Variants in CCDC175 observed in about 807,000 individuals in gnomAD.
CCDC175 encodes the protein coiled-coil domain-containing protein 175.
CCDC175 carries 100 observed loss-of-function variants against 114.6 expected under a neutral mutation model. The observed-to-expected ratio is 0.87, with a 90% CI of 0.74 to 1.03. The LOEUF (loss-of-function observed/expected upper bound fraction) is 1.03, where lower values mean the gene tolerates loss of function less well. CCDC175 is among the 50% of genes least tolerant of loss of function. CCDC175 has a pLI of 0.00. For missense variants in CCDC175, 880 were observed against 917.8 expected, an observed-to-expected ratio of 0.96 and a Z score of 0.53; for synonymous variants, 306 against 308.7, an observed-to-expected ratio of 0.99 and a Z score of 0.09.
At position 59,510,663 on chromosome 14, in the gene CCDC175, G is replaced by C. The variant is rs1230811015; in HGVS notation, c.2288C>G (p.Ser763Ter). ...TTGCTTACTAAGAAGGTCCATTGGT[G>C]ATTCCTGTTCCACAAGCAAACGCAG... ...EGLRLLVEQESPMDLLKKKKH... is the reference protein window; with the variant it reads ...EGLRLLVEQE Residue 763 changes from serine to a stop codon, truncating the protein, a stop_gained, in exon 19 of 20, where the codon TCA becomes TGA. Coordinates refer to ENST00000537690, the MANE Select transcript of CCDC175 (RefSeq NM_001164399.2). LOFTEE classifies it low-confidence loss of function (END_TRUNC). The C allele has an allele frequency of 1.3e-6, 2 of 1,537,152 alleles. No homozygotes were observed. The highest frequency in any genetic ancestry group is 2.4e-5 in the South Asian group (2 of 84,054).
intron 13 of CCDC175, among the ~76,000 whole-genome samples, chr14:59,536,545 C>G (rs1264229343): frequency 6.6e-6 from 1 of 151,742 alleles, no homozygotes; most frequent in Non-Finnish European, 1.5e-5. Context: ...CTAATGCTTT[C>G]CACCCCGCCT....
chr14:59,539,661 C>G (rs966787903), intron 11 of CCDC175, among the ~76,000 whole-genome samples: 30 of 152,078 alleles, frequency 2.0e-4, no homozygotes, highest in African/African-American at 7.2e-4. Context: ...TGCCTGTAAT[C>G]CCAGCACTTT....
rs1467433591 is a variant in CCDC175, at chr14:59,538,127, C to T, written c.1519G>A (p.Gly507Arg). Residue 507 changes from glycine to arginine, a missense_variant, in exon 13 of 20, where the codon GGA becomes AGA. Physicochemically the swap from Gly to Arg is moderately radical, Grantham distance 125. Coordinates refer to ENST00000537690, the MANE Select transcript of CCDC175 (RefSeq NM_001164399.2). ...ETSFRQQEISGFVAQIEKLTT... is the reference protein window; with the variant it reads ...ETSFRQQEISRFVAQIEKLTT... Reference sequence around the variant, plus strand: ...AGTTTTTCAATCTGTGCCACAAATCCACTGATCTCCTGTTGTCTGAAACTG... The same window carrying T: ...AGTTTTTCAATCTGTGCCACAAATCTACTGATCTCCTGTTGTCTGAAACTG... 4 of 1,534,252 alleles carry T rather than the reference C, an allele frequency of 2.6e-6. No individual in the cohort carries two copies. The African/African-American group carries it at 4.1e-5, about 16-fold the overall frequency.
chr14:59,536,559 C>T (rs1894408118), intron 13 of CCDC175, among the ~76,000 whole-genome samples: 1 of 151,728 alleles, frequency 6.6e-6, no homozygotes, highest in South Asian at 2.1e-4. Context: ...CCCGCCTCCT[C>T]TCCCCCCTCA....
intron 19 of CCDC175, among the ~76,000 whole-genome samples, chr14:59,508,309 C>CAGCACTTT (rs897431647): frequency 6.6e-6 from 1 of 151,506 alleles, no homozygotes; most frequent in Non-Finnish European, 1.5e-5. Context: ...CATATAATCC[C>CAGCACTTT]AGCACTTTAG....
intron 17 of CCDC175, among the ~76,000 whole-genome samples, chr14:59,514,162 C>A (rs1198807267): frequency 1.3e-5 from 2 of 152,192 alleles, no homozygotes; most frequent in Non-Finnish European, 2.9e-5. Context: ...AAAACCCCAT[C>A]TGTACGTCAC....
Position 59,545,233 on chromosome 14 carries a change from C to T in CCDC175, c.1102G>A (p.Ala368Thr). The change falls in exon 9 of 20, where the codon GCC (alanine) becomes ACC (threonine). Residue 368 changes from alanine (A) to threonine (T), a missense_variant. Ala to Thr is a moderately conservative substitution (Grantham distance 58, BLOSUM62 0). Transcript: ENST00000537690. ...CTTAAAACAATCTTATATTGTCTGG[C>T]AAGAGTTTTCATTTTCTCTCGTAGG... ...KDLREKMKTL[A>T]RQYKIVLSEE... The T allele has an allele frequency of 6.5e-7, 1 of 1,536,676 alleles. No individual in the cohort carries two copies. The highest frequency in any genetic ancestry group is 8.7e-7 in the Non-Finnish European group (1 of 1,146,640).
intron 14 of CCDC175, among the ~76,000 whole-genome samples, chr14:59,527,417 A>C (rs1893811748): frequency 6.6e-6 from 1 of 151,862 alleles, no homozygotes. Flanking sequence ...ATATATGCCT[A>C]TTTTCTGATT....
rs542606632 is a variant in CCDC175 at position 59,571,766 on chromosome 14, A to T, written c.355+936T>A. ...TGACTCTGTAAGATCTGACCCCAGT[A>T]AAAAAAAAAATTGAATGTACAATAC... On this transcript the variant is annotated intron_variant, in intron 3 of 19. Transcript: ENST00000537690. 5.4e-5 allele frequency among the ~76,000 whole-genome samples: 8 copies of T among 147,880 alleles called. No individual in the cohort carries two copies. The South Asian group carries it at 1.5e-3, about 27-fold the overall frequency.
chr14:59,555,088 G>T (rs1370219768), intron 7 of CCDC175, among the ~76,000 whole-genome samples: 2 of 152,014 alleles, frequency 1.3e-5, no homozygotes, highest in Non-Finnish European at 2.9e-5. Flanking sequence ...TCAATAGAAA[G>T]AGGGAATCCT....
intron 16 of CCDC175, among the ~76,000 whole-genome samples, chr14:59,523,829 A>C: frequency 6.6e-6 from 1 of 152,082 alleles, no homozygotes. Flanking sequence ...CTCTACTAAA[A>C]ATACAAAAAA....
chr14:59,515,843 C>T (rs1057295594), intron 17 of CCDC175, among the ~76,000 whole-genome samples: 21 of 152,186 alleles, frequency 1.4e-4, no homozygotes, highest in South Asian at 4.1e-4. Flanking sequence ...GAATTCTCCA[C>T]GCCAAATCAA....
At chr14:59,528,448 A>G (rs1276973829) in intron 14 of CCDC175, among the ~76,000 whole-genome samples, 2 of 152,156 alleles carry the variant, frequency 1.3e-5, no homozygotes, top group Non-Finnish European at 2.9e-5. Flanking sequence ...CTTTAAAAAC[A>G]TGAATATATG....
At chr14:59,530,441 G>A (rs769346506) in intron 14 of CCDC175, among the ~76,000 whole-genome samples, 1 of 146,636 alleles carries the variant, frequency 6.8e-6, no homozygotes, top group Admixed American at 6.9e-5. Context: ...AGGAAAGGAA[G>A]GGAAGGGGAG....
At chr14:59,561,628 T>C (rs1451807585) in intron 6 of CCDC175, among the ~76,000 whole-genome samples, 1 of 152,238 alleles carries the variant, frequency 6.6e-6, no homozygotes, top group Non-Finnish European at 1.5e-5. Flanking sequence ...TTGGGTCTTT[T>C]GTCTCCCTTG....
At chr14:59,540,544 C>A (rs948151688) in intron 11 of CCDC175, 131 bp downstream of exon 11, 1 of 1,006,174 alleles carries the variant, frequency 9.9e-7, no homozygotes, top group African/African-American at 1.7e-5. Flanking sequence ...AGAGAATTTA[C>A]ACATAATTTA....
intron 17 of CCDC175, among the ~76,000 whole-genome samples, chr14:59,517,741 C>A (rs562268458): frequency 5.4e-4 from 82 of 152,326 alleles, no homozygotes; most frequent in Non-Finnish European, 1.0e-3. Context: ...AACAGCCATA[C>A]TGCCCAAGGT....
At chr14:59,572,362 A>G (rs548193067) in intron 3 of CCDC175, among the ~76,000 whole-genome samples, 4 of 152,310 alleles carry the variant, frequency 2.6e-5, no homozygotes, top group Admixed American at 2.6e-4. Flanking sequence ...TATTACTTAT[A>G]TGAGGTACCC....
chr14:59,507,609 T>A (rs1892501225), intron 19 of CCDC175, among the ~76,000 whole-genome samples: 1 of 152,282 alleles, frequency 6.6e-6, no homozygotes, highest in South Asian at 2.1e-4. Context: ...ACAGGGAACA[T>A]TCAAAAGCTG....
Sources: allele counts gnomAD v4.1 joint callset (sites outside exome capture counted in the v4.1 genomes callset), GRCh38; gene constraint gnomAD v4.1.1; transcripts MANE v1.5; gene names NCBI Gene and HGNC (gene_info 2026-07-23, HGNC 2026-07-21).